The following HTRA1 variants were observed in gnomAD, a reference collection of about 807,000 sequenced individuals.
The protein encoded by HTRA1 is serine protease HTRA1.
HTRA1 carries 26 observed loss-of-function variants against 49.7 expected under a neutral mutation model. The ratio of observed to expected loss-of-function variants is 0.52; its 90% CI spans 0.38 to 0.73. The LOEUF (loss-of-function observed/expected upper bound fraction) is 0.73, where lower values mean the gene tolerates loss of function less well. Among genes scored for constraint, HTRA1 ranks in the 30% least tolerant of loss-of-function variants. HTRA1 has a pLI of 0.00. For synonymous variants in HTRA1, 291 were observed against 286.9 expected, an observed-to-expected ratio of 1.01 and a Z score of -0.14; for missense variants, 561 against 667.2, an observed-to-expected ratio of 0.84 and a Z score of 1.75.
Position 122,461,632 on chromosome 10 carries a change from G to A in HTRA1, c.-21G>A, listed in dbSNP as rs766454234. The A allele has an allele frequency of 2.2e-4, 264 of 1,181,606 alleles. No homozygotes were observed. Among genetic ancestry groups the A allele is most frequent in the South Asian group, 4.4e-4 (29 of 65,736 alleles). 73.2% of individuals were successfully genotyped at this position (1,181,606 alleles called of 1,614,324 possible). ...GGCCCTCGCCCTGTCCGCCGCCACC[G>A]CCGCCGCCGCCAGAGTCGCCATGCA... On this transcript the variant is annotated 5_prime_UTR_variant, in exon 1 of 9. Transcript: ENST00000368984.
chr10:122,507,188 A>C (rs986463602), intron 4 of HTRA1, among the ~76,000 whole-genome samples, 182 bp from the exon 5 acceptor site: 2 of 152,094 alleles, frequency 1.3e-5, no homozygotes, highest in African/African-American at 4.8e-5. Flanking sequence ...CACCTCTAAA[A>C]CTTTCTGAAA....
At chr10:122,508,856 G>T in intron 6 of HTRA1, 86 bp downstream of exon 6, 1 of 836,714 alleles carries the variant, frequency 1.2e-6, no homozygotes, top group South Asian at 1.3e-5. Flanking sequence ...AGGGAAAAGC[G>T]GCAGCCCCTA....
intron 7 of HTRA1, among the ~76,000 whole-genome samples, chr10:122,511,745 AT>A (rs1332755668): frequency 0.014 from 1,110 of 76,722 alleles, 17 homozygotes; most frequent in African/African-American, 0.026. Flanking sequence ...AAAAAAAAAA[AT>A]AAATAAAAAA....
intron 7 of HTRA1, among the ~76,000 whole-genome samples, chr10:122,510,975 C>T (rs1260272347): frequency 2.0e-5 from 3 of 152,168 alleles, no homozygotes; most frequent in African/African-American, 7.2e-5. Context: ...TTTGGAACTA[C>T]GAGGTGTAGG....
At chr10:122,463,677 G>A (rs1486367584) in intron 1 of HTRA1, among the ~76,000 whole-genome samples, 1 of 152,254 alleles carries the variant, frequency 6.6e-6, no homozygotes, top group Middle Eastern at 3.4e-3. Context: ...TCTCATTCCC[G>A]TTTTACAGAT....
At chr10:122,471,980 T>C (rs1463627149) in intron 1 of HTRA1, among the ~76,000 whole-genome samples, 1 of 152,234 alleles carries the variant, frequency 6.6e-6, no homozygotes, top group Non-Finnish European at 1.5e-5. Flanking sequence ...ATTCATCCGA[T>C]GACTGATGTC....
chr10:122,481,891 C>T (rs2097491170), intron 1 of HTRA1, among the ~76,000 whole-genome samples: 1 of 152,172 alleles, frequency 6.6e-6, no homozygotes, highest in Non-Finnish European at 1.5e-5. Context: ...ACATGCTCCT[C>T]CTTGCCTCCC....
intron 5 of HTRA1, 137 bp from the exon 6 acceptor site, chr10:122,508,519 C>T (rs1217641236): frequency 9.3e-6 from 7 of 748,746 alleles, no homozygotes; most frequent in East Asian, 2.5e-5. Context: ...CCTGCTGCCA[C>T]GGGGATCCCC....
intron 8 of HTRA1, 100 bp from the exon 9 acceptor site, chr10:122,514,091 T>C: frequency 8.3e-7 from 1 of 1,205,810 alleles, no homozygotes; most frequent in Non-Finnish European, 1.2e-6. Context: ...CTGTTTGCTC[T>C]GGGCTTTTAG....
At chr10:122,501,378 C>A (rs1776329220) in intron 3 of HTRA1, among the ~76,000 whole-genome samples, 1 of 152,174 alleles carries the variant, frequency 6.6e-6, no homozygotes, top group African/African-American at 2.4e-5. Flanking sequence ...AACAAACAAA[C>A]AAACAAGCAA....
chr10:122,482,544 T>C (rs2097491445), intron 1 of HTRA1, among the ~76,000 whole-genome samples: 2 of 152,190 alleles, frequency 1.3e-5, no homozygotes, highest in Admixed American at 1.3e-4. Context: ...GATATGATTT[T>C]GGCTTCTTCC....
At position 122,481,529 on chromosome 10, in the gene HTRA1, A is replaced by G. The variant is rs373876848; in HGVS notation, c.473-7373A>G. ...AGGGCAGATGGAGGGCTCCACGCTGAAGCTTTGTGGATGTTTGCTGTCTAT... is the reference window on the plus strand; with the variant it reads ...AGGGCAGATGGAGGGCTCCACGCTGGAGCTTTGTGGATGTTTGCTGTCTAT... On this transcript the variant is annotated intron_variant, in intron 1 of 8. Coordinates refer to ENST00000368984, the MANE Select transcript of HTRA1 (RefSeq NM_002775.5). 6.6e-5 allele frequency among the ~76,000 whole-genome samples: 10 copies of G among 152,292 alleles called. No homozygotes were observed. In the East Asian group the frequency reaches 1.5e-3, roughly 24 times the overall value.
chr10:122,502,585 T>C (rs2097501393), intron 3 of HTRA1, among the ~76,000 whole-genome samples: 1 of 152,190 alleles, frequency 6.6e-6, no homozygotes, highest in Non-Finnish European at 1.5e-5. Context: ...GACTTCTGGC[T>C]CTGTTAAGAG....
Position 122,487,222 on chromosome 10 carries a change from C to T in HTRA1, c.473-1680C>T, listed in dbSNP as rs149120209. On this transcript the variant is annotated intron_variant, in intron 1 of 8. Coordinates refer to ENST00000368984, the MANE Select transcript of HTRA1 (RefSeq NM_002775.5). This position sits in a 1 kb window ranked among gnomAD's most constrained non-coding sequence, Gnocchi z 4.8. ...GTCCCTGGAGCCTGCTTGTGCAACG[C>T]TGAGCTAGTCCAAGGGGGAAGAATG... Among the ~76,000 whole-genome samples, 1 of 152,294 alleles carries T rather than the reference C, an allele frequency of 6.6e-6. No homozygotes were observed. Among genetic ancestry groups the T allele is most frequent in the East Asian group, 1.9e-4 (1 of 5,168 alleles).
At chr10:122,471,175 A>G (rs1323478812) in intron 1 of HTRA1, among the ~76,000 whole-genome samples, 1 of 152,220 alleles carries the variant, frequency 6.6e-6, no homozygotes, top group East Asian at 1.9e-4. Context: ...TTCAGATCCC[A>G]GTCTGACCTT....
At chr10:122,486,739 CGT>C (rs34013554) in intron 1 of HTRA1, among the ~76,000 whole-genome samples, 28 of 149,842 alleles carry the variant, frequency 1.9e-4, no homozygotes, top group African/African-American at 2.4e-4. Flanking sequence ...ATGAGAGAGG[CGT>C]GTGTGTGTGT....
intron 1 of HTRA1, among the ~76,000 whole-genome samples, chr10:122,473,183 AG>A (rs2097486904): frequency 6.6e-6 from 1 of 152,046 alleles, no homozygotes; most frequent in Non-Finnish European, 1.5e-5. Context: ...CTACCTGGGG[AG>A]GGGGTGAGTT....
At chr10:122,476,795 G>A (rs1190581183) in intron 1 of HTRA1, among the ~76,000 whole-genome samples, 5 of 151,872 alleles carry the variant, frequency 3.3e-5, no homozygotes, top group African/African-American at 7.3e-5. Context: ...GACTGCATTC[G>A]CTCTCCCCCG....
At position 122,514,324 on chromosome 10, in the gene HTRA1, A is replaced by G. The variant is rs750089026; in HGVS notation, c.1408A>G (p.Met470Val). 6.2e-7 allele frequency: 1 copy of G among 1,613,740 alleles called. No homozygotes were observed. Among genetic ancestry groups the G allele is most frequent in the Admixed American group, 1.7e-5 (1 of 60,026 alleles). Reference protein sequence around the residue: ...MVVRRGNEDIMITVIPEEIDP With the variant: ...MVVRRGNEDIVITVIPEEIDP Reference sequence around the variant, plus strand: ...GGTCCGCAGGGGTAATGAAGATATCATGATCACAGTGATTCCCGAAGAAAT... The same window carrying G: ...GGTCCGCAGGGGTAATGAAGATATCGTGATCACAGTGATTCCCGAAGAAAT... Residue 470 changes from methionine to valine, a missense_variant, in exon 9 of 9, where the codon ATG becomes GTG. Coordinates refer to ENST00000368984, the MANE Select transcript of HTRA1 (RefSeq NM_002775.5).
Sources: gnomAD v4.1 joint callset for allele counts (sites outside exome capture counted in the v4.1 genomes callset) on GRCh38, gnomAD v4.1.1 for gene constraint, Gnocchi (gnomAD v3.1) non-coding constraint, MANE v1.5 for transcripts, NCBI Gene and HGNC (gene_info 2026-07-23, HGNC 2026-07-21) for gene names.